The following GADL1 variants were observed in gnomAD, a reference collection of about 807,000 sequenced individuals.
GADL1 encodes the protein GAD like acidic amino acid decarboxylase 1, also known as acidic amino acid decarboxylase GADL1.
GADL1 carries 71 observed loss-of-function variants against 69.5 expected under a neutral mutation model. That is an observed-to-expected ratio of 1.02 (90% CI 0.84 to 1.25). The LOEUF (loss-of-function observed/expected upper bound fraction) is 1.25, where lower values mean the gene tolerates loss of function less well. Ranked by LOEUF, GADL1 falls within the 50% of genes most tolerant of loss-of-function variation. The pLI is 0.00. For missense variants in GADL1, 737 were observed against 631.8 expected (o/e 1.17, Z -1.79); for synonymous variants, 254 against 214.4 (o/e 1.18, Z -1.62).
intron 11 of GADL1, among the ~76,000 whole-genome samples, chr3:30,810,392 C>G (rs1284976510): frequency 3.3e-5 from 5 of 152,050 alleles, no homozygotes; most frequent in African/African-American, 1.2e-4. Flanking sequence ...TATATATAGA[C>G]AGACAGATAC....
intron 14 of GADL1, among the ~76,000 whole-genome samples, chr3:30,752,425 A>G (rs908317874): frequency 1.3e-5 from 2 of 151,066 alleles, no homozygotes; most frequent in African/African-American, 5.0e-5. Flanking sequence ...GGGAGTAACA[A>G]TGGAGTCTGT....
chr3:30,837,374 G>A (rs1697891375), intron 9 of GADL1, among the ~76,000 whole-genome samples: 1 of 152,054 alleles, frequency 6.6e-6, no homozygotes, highest in African/African-American at 2.4e-5. Flanking sequence ...AAGCCAGATA[G>A]GCTTGTGTCA....
At chr3:30,755,733 A>G (rs1452816505) in intron 14 of GADL1, among the ~76,000 whole-genome samples, 6 of 68,620 alleles carry the variant, frequency 8.7e-5, no homozygotes, top group Non-Finnish European at 2.3e-4. Flanking sequence ...ATGTTCAATA[A>G]ATAATTGTTA....
chr3:30,728,155 G>T lies in GADL1; in HGVS notation c.*87C>A. 2.5e-6 allele frequency: 3 copies of T among 1,178,626 alleles called. No homozygotes were observed. Among genetic ancestry groups the T allele is most frequent in the Non-Finnish European group, 2.5e-6 (2 of 807,816 alleles). 73.0% of individuals were successfully genotyped at this position (1,178,626 alleles called of 1,614,324 possible). ...GTATTCCCTATTTCTCATCAGAAGG[G>T]CTGCAATCTACTGTGTATCTCCAAG... On this transcript the variant is annotated 3_prime_UTR_variant, in exon 15 of 15. Transcript: ENST00000282538.
At chr3:30,805,878 G>A (rs57273128) in intron 11 of GADL1, among the ~76,000 whole-genome samples, 1 of 151,314 alleles carries the variant, frequency 6.6e-6, no homozygotes, top group Admixed American at 6.6e-5. Context: ...AGTCTCATAA[G>A]AATCACGTGA....
intron 3 of GADL1, among the ~76,000 whole-genome samples, chr3:30,855,787 G>A (rs142206154): frequency 2.6e-5 from 4 of 151,586 alleles, no homozygotes; most frequent in Non-Finnish European, 5.9e-5. Flanking sequence ...CATTTAATTT[G>A]GTGACCTCTC....
At position 30,796,816 on chromosome 3, in the gene GADL1, G is replaced by A. The variant is rs141488256; in HGVS notation, c.1250+4073C>T. Among the ~76,000 whole-genome samples, 294 of 151,882 alleles carry A rather than the reference G, an allele frequency of 1.9e-3. No individual in the cohort carries two copies. The South Asian group carries it at 0.02, about 10-fold the overall frequency. Reference sequence around the variant, plus strand: ...AATACCTTGAGTTAATGTTTCCATCGCTTACTACCGAGAGTCCTCATATAG... The same window carrying A: ...AATACCTTGAGTTAATGTTTCCATCACTTACTACCGAGAGTCCTCATATAG... On this transcript the variant is annotated intron_variant, in intron 12 of 14. Coordinates refer to ENST00000282538, the MANE Select transcript of GADL1 (RefSeq NM_207359.3).
intron 2 of GADL1, among the ~76,000 whole-genome samples, chr3:30,861,064 C>T (rs1309180015): frequency 1.3e-5 from 2 of 151,958 alleles, no homozygotes; most frequent in East Asian, 3.9e-4. Context: ...TTGAAATCTA[C>T]AACCAATAAT....
chr3:30,875,602 G>A (rs1698567412), intron 1 of GADL1, among the ~76,000 whole-genome samples: 1 of 151,878 alleles, frequency 6.6e-6, no homozygotes, highest in Non-Finnish European at 1.5e-5. Context: ...GAAAGAATAG[G>A]AGGCAGAGGG....
At chr3:30,753,780 T>A (rs886203705) in intron 14 of GADL1, among the ~76,000 whole-genome samples, 6 of 152,228 alleles carry the variant, frequency 3.9e-5, no homozygotes, top group African/African-American at 1.4e-4. Context: ...CATGTGTTCC[T>A]ATGCAAGATT....
chr3:30,776,629 T>C (rs1696546466), intron 14 of GADL1, among the ~76,000 whole-genome samples: 1 of 152,216 alleles, frequency 6.6e-6, no homozygotes, highest in Admixed American at 6.5e-5. Flanking sequence ...GTTAGGAGGT[T>C]TGAGCCATGA....
chr3:30,768,955 GAA>G (rs1429957001), intron 14 of GADL1, among the ~76,000 whole-genome samples: 4 of 152,222 alleles, frequency 2.6e-5, no homozygotes, highest in East Asian at 1.9e-4. Context: ...AGAGACCATG[GAA>G]AAAGTCTTTT....
chr3:30,741,190 A>ATATGTGTGTG lies in GADL1; in HGVS notation c.1393-12776_1393-12775insCACACACATA, dbSNP rs747105488. ...TAAATATTATATATATTATATAATT[A>ATATGTGTGTG]TGTGTGTGTGTGTGTGTGTGTGTGT... On this transcript the variant is annotated intron_variant, in intron 14 of 14. Coordinates refer to ENST00000282538, the MANE Select transcript of GADL1 (RefSeq NM_207359.3). Among the ~76,000 whole-genome samples the ATATGTGTGTG allele has an allele frequency of 5.3e-3, 709 of 132,626 alleles. 10 individuals carry two copies. The highest frequency in any genetic ancestry group is 0.016 in the East Asian group (76 of 4,700). 87.0% of individuals were successfully genotyped at this position (132,626 alleles called of 152,430 possible). A position where few individuals can be genotyped will look rare whatever the true frequency, so the allele number is the denominator to read the frequency against.
chr3:30,789,644 A>G (rs1284675207), intron 12 of GADL1, among the ~76,000 whole-genome samples: 6 of 152,208 alleles, frequency 3.9e-5, no homozygotes, highest in Non-Finnish European at 8.8e-5. Flanking sequence ...TGTTTAATGT[A>G]GCCACATTCT....
At chr3:30,740,968 T>A (rs1321809367) in intron 14 of GADL1, among the ~76,000 whole-genome samples, 2 of 135,556 alleles carry the variant, frequency 1.5e-5, no homozygotes, top group Non-Finnish European at 3.1e-5. Context: ...TATTATATAT[T>A]ATATATTAAT....
rs72852526 is a variant in GADL1, at chr3:30,731,512, G to A, written c.1393-3097C>T. ...GAGGAAGCCAGAAATACTTTCTAAC[G>A]TGAACAAGAAAGGTAAAGGAAGAGG... On this transcript the variant is annotated intron_variant, in intron 14 of 14. Transcript: ENST00000282538. Among the ~76,000 whole-genome samples the A allele has an allele frequency of 7.7e-3, 1,169 of 152,244 alleles. 12 individuals carry two copies. The highest frequency in any genetic ancestry group is 0.026 in the African/African-American group (1,099 of 41,552).
chr3:30,868,001 A>G (rs899898352), intron 1 of GADL1, among the ~76,000 whole-genome samples: 1 of 152,056 alleles, frequency 6.6e-6, no homozygotes, highest in Non-Finnish European at 1.5e-5. Context: ...TAAATAATAT[A>G]CTTTTAAAAC....
At chr3:30,816,439 C>CACATCGTT (rs762389068) in intron 11 of GADL1, among the ~76,000 whole-genome samples, 5 of 151,436 alleles carry the variant, frequency 3.3e-5, no homozygotes, top group Admixed American at 6.6e-5. Flanking sequence ...CATCTCCCAG[C>CACATCGTT]ACATCGTTCC....
intron 14 of GADL1, among the ~76,000 whole-genome samples, chr3:30,744,523 C>A (rs1346996114): frequency 5.9e-5 from 9 of 151,980 alleles, no homozygotes; most frequent in African/African-American, 1.2e-4. Flanking sequence ...CCAGCCTGGG[C>A]AACATTAAAA....
Sources: gnomAD v4.1 joint callset for allele counts (sites outside exome capture counted in the v4.1 genomes callset) on GRCh38, gnomAD v4.1.1 for gene constraint, MANE v1.5 for transcripts, NCBI Gene and HGNC (gene_info 2026-07-23, HGNC 2026-07-21) for gene names.